The following ZPBP variants were observed in gnomAD, a reference collection of about 807,000 sequenced individuals.
The protein encoded by ZPBP is zona pellucida-binding protein 1.
Under a neutral mutation model 44.8 loss-of-function variants are expected in ZPBP, and 26 were observed. The observed-to-expected ratio is 0.58, with a 90% CI of 0.43 to 0.81. The LOEUF (loss-of-function observed/expected upper bound fraction) is 0.81. Ranked by LOEUF, ZPBP falls within the 30% of genes least tolerant of loss-of-function variation. ZPBP has a pLI of 0.00. For missense variants in ZPBP, 409 were observed against 434.0 expected, an observed-to-expected ratio of 0.94 and a Z score of 0.51; for synonymous variants, 174 against 153.2, an observed-to-expected ratio of 1.14 and a Z score of -1.00.
the ZPBP span, among the ~76,000 whole-genome samples, chr7:49,841,629 A>T: frequency 6.6e-6 from 1 of 152,240 alleles, no homozygotes; most frequent in Admixed American, 6.5e-5. Context: ...CCGGGAGGAC[A>T]GAGGTTCTGT....
At chr7:49,981,264 A>AT (rs1443712707) in intron 7 of ZPBP, among the ~76,000 whole-genome samples, 1 of 78,188 alleles carries the variant, frequency 1.3e-5, no homozygotes, top group African/African-American at 4.4e-5. Context: ...TATATAATAT[A>AT]GATCAGATAT....
At chr7:49,890,720 C>T (rs1239875996) in intron 2 of ZPBP, among the ~76,000 whole-genome samples, 1 of 75,052 alleles carries the variant, frequency 1.3e-5, no homozygotes, top group African/African-American at 5.9e-5. Context: ...CATTAAAACA[C>T]AAAGCAAAAC....
intron 3 of ZPBP, among the ~76,000 whole-genome samples, chr7:50,070,733 G>C (rs769906560): frequency 6.6e-6 from 1 of 152,168 alleles, no homozygotes; most frequent in Admixed American, 6.5e-5. Context: ...TTTGTGGGGT[G>C]GGGGAGATCT....
chr7:49,969,954 G>A (rs1044823976), intron 7 of ZPBP, among the ~76,000 whole-genome samples: 1 of 152,044 alleles, frequency 6.6e-6, no homozygotes, highest in South Asian at 2.1e-4. Context: ...CTGCCACCCG[G>A]GTTCAAGTGA....
intron 1 of ZPBP, chr7:49,914,780 C>T (rs1439616795): frequency 6.6e-6 from 1 of 151,712 alleles, no homozygotes; most frequent in South Asian, 2.1e-4. Context: ...GAATAACTGC[C>T]CAATAAAAAA....
chr7:49,960,145 C>T (rs1344358274), intron 7 of ZPBP, among the ~76,000 whole-genome samples: 3 of 152,016 alleles, frequency 2.0e-5, no homozygotes, highest in Admixed American at 6.6e-5. Context: ...AGAGGCCGGG[C>T]GCGGTGACTC....
intron 2 of ZPBP, among the ~76,000 whole-genome samples, chr7:49,893,990 T>C (rs751216148): frequency 7.2e-5 from 11 of 152,170 alleles, no homozygotes; most frequent in Admixed American, 1.3e-4. Context: ...GGAGTTCTGC[T>C]CCATGGGGGC....
At chr7:49,924,726 CT>C (rs2128748345) in intron 1 of ZPBP, among the ~76,000 whole-genome samples, 1 of 152,268 alleles carries the variant, frequency 6.6e-6, no homozygotes, top group Non-Finnish European at 1.5e-5. Context: ...CCCATTTCTC[CT>C]GGGTTCTCCC....
At position 50,093,137 on chromosome 7, in the gene ZPBP, C is replaced by T. The variant is rs1417464078; in HGVS notation, c.58G>A (p.Gly20Ser). Residue 20 changes from glycine (G) to serine (S), a missense_variant, in exon 1 of 8, where the codon GGC (glycine) becomes AGC (serine). Around this residue, in one of 2 missense-constraint regions of ZPBP, gnomAD observed 367 missense variants for 363.1 expected, o/e 1.01. Coordinates refer to ENST00000046087, the MANE Select transcript of ZPBP (RefSeq NM_007009.3). ...RRGRRRTRAA[G>S]SLLSRAAILL... ...ATGGCGGCCCGAGAGAGCAGGGAGC[C>T]GGCGGCCCGGGTCCGCCGCCTGCCC... 1.3e-6 allele frequency: 2 copies of T among 1,554,202 alleles called. No individual in the cohort carries two copies. The highest frequency in any genetic ancestry group is 8.7e-7 in the Non-Finnish European group (1 of 1,151,808).
chr7:50,005,037 T>TA (rs71018443), intron 6 of ZPBP, among the ~76,000 whole-genome samples: 93 of 105,768 alleles, frequency 8.8e-4, no homozygotes, highest in African/African-American at 2.7e-3. Context: ...TGAATCATTT[T>TA]AAAAAAAAAA....
intron 7 of ZPBP, among the ~76,000 whole-genome samples, chr7:49,960,313 C>T (rs573086436): frequency 3.3e-5 from 5 of 151,880 alleles, no homozygotes; most frequent in South Asian, 2.1e-4. Flanking sequence ...CTCAGCTACT[C>T]GAGAGGCTGA....
chr7:49,877,481 A>AAAAAAAAATATAC lies in ZPBP; in HGVS notation n.509+23636_509+23637insGTATATTTTTTTT. On this transcript the variant is annotated intron_variant and non_coding_transcript_variant, in intron 2 of 2. Transcript: ENST00000465922. ...CTGTCTCAAAAAAAAAAAAAAAAAA[A>AAAAAAAAATATAC]ATATATATATATATATATATATATA... 4.7e-3 allele frequency among the ~76,000 whole-genome samples: 60 copies of AAAAAAAAATATAC among 12,736 alleles called. 13 individuals are homozygous for AAAAAAAAATATAC. Among genetic ancestry groups the AAAAAAAAATATAC allele is most frequent in the Non-Finnish European group, 5.8e-3 (40 of 6,952 alleles). 8.4% of individuals were successfully genotyped at this position (12,736 alleles called of 152,430 possible). A position where few individuals can be genotyped will look rare whatever the true frequency, so the allele number is the denominator to read the frequency against.
At chr7:49,852,818 A>C (rs1278479985) in intron 2 of ZPBP, among the ~76,000 whole-genome samples, 1 of 152,158 alleles carries the variant, frequency 6.6e-6, no homozygotes, top group African/African-American at 2.4e-5. Context: ...TTTGGCCATG[A>C]CTTGGACTCC....
chr7:50,046,804 C>T (rs1800389898), intron 4 of ZPBP, among the ~76,000 whole-genome samples: 1 of 151,996 alleles, frequency 6.6e-6, no homozygotes, highest in African/African-American at 2.4e-5. Flanking sequence ...GGTATATGCC[C>T]AAAGGATTAT....
intron 6 of ZPBP, among the ~76,000 whole-genome samples, chr7:49,992,603 A>C (rs2128789154): frequency 6.6e-6 from 1 of 152,256 alleles, no homozygotes; most frequent in African/African-American, 2.4e-5. Flanking sequence ...AGATGGAGAA[A>C]TCAATGAGAA....
chr7:49,847,046 G>T (rs1385339304), downstream of ZPBP, among the ~76,000 whole-genome samples: 1 of 152,070 alleles, frequency 6.6e-6, no homozygotes, highest in East Asian at 1.9e-4. Context: ...TGTCAAATTG[G>T]GATGTCTTTG....
At chr7:49,970,263 A>C (rs1042690335) in intron 7 of ZPBP, among the ~76,000 whole-genome samples, 1 of 152,194 alleles carries the variant, frequency 6.6e-6, no homozygotes, top group Non-Finnish European at 1.5e-5. Flanking sequence ...ACAGAGAATC[A>C]AAATATATGA....
At position 50,032,239 on chromosome 7, in the gene ZPBP, T is replaced by C. The variant is rs772009959; in HGVS notation, c.488-929A>G. Among the ~76,000 whole-genome samples, 14 of 152,200 alleles carry C rather than the reference T, an allele frequency of 9.2e-5. 1 individual carries two copies. Among genetic ancestry groups the C allele is most frequent in the Non-Finnish European group, 1.9e-4 (13 of 68,040 alleles). On this transcript the variant is annotated intron_variant, in intron 4 of 7. Transcript: ENST00000046087. ...TTTTGTACTGATTCATCCATCAGCG[T>C]AGGTACACATTTATCATGTATATAT...
chr7:50,059,726 T>C (rs1164940987), intron 3 of ZPBP, among the ~76,000 whole-genome samples: 1 of 152,118 alleles, frequency 6.6e-6, no homozygotes, highest in Admixed American at 6.5e-5. Flanking sequence ...AAGCAATTAA[T>C]AAGTGTATCA....
Sources: allele counts gnomAD v4.1 joint callset (sites outside exome capture counted in the v4.1 genomes callset), GRCh38; gene constraint gnomAD v4.1.1; regional missense constraint gnomAD v4.1.1; transcripts MANE v1.5; gene names NCBI Gene and HGNC (gene_info 2026-07-23, HGNC 2026-07-21).